Variants in TOX2 observed in about 807,000 individuals in gnomAD.
The protein encoded by TOX2 is TOX high mobility group box family member 2.
Under a neutral mutation model 47.4 loss-of-function variants are expected in TOX2, and 15 were observed. That is an observed-to-expected ratio of 0.32 (90% CI 0.21 to 0.49). TOX2 has a LOEUF of 0.49. TOX2 is among the 20% of genes least tolerant of loss of function. The pLI, the probability that TOX2 is intolerant of heterozygous loss-of-function variation, is 0.99. For missense variants in TOX2, 622 were observed against 673.1 expected, an observed-to-expected ratio of 0.92 and a Z score of 0.84; for synonymous variants, 290 against 296.6, an observed-to-expected ratio of 0.98 and a Z score of 0.23.
At chr20:44,007,786 C>G (rs1015777304) in intron 3 of TOX2, among the ~76,000 whole-genome samples, 1 of 152,208 alleles carries the variant, frequency 6.6e-6, no homozygotes, top group South Asian at 2.1e-4. Context: ...GCTGTGGTGA[C>G]AGAGTGAGAC....
chr20:43,991,952 G>A (rs6017235), intron 2 of TOX2, among the ~76,000 whole-genome samples: 53,883 of 152,026 alleles, frequency 0.35, 11,336 homozygotes, highest in African/African-American at 0.56. Context: ...TTATTTTAAA[G>A]AAGTAAAGTA....
intron 2 of TOX2, among the ~76,000 whole-genome samples, chr20:43,980,467 A>G (rs1486733043): frequency 1.3e-5 from 2 of 152,244 alleles, no homozygotes; most frequent in Non-Finnish European, 2.9e-5. Context: ...AACAAAGTAT[A>G]GTCAATAATT....
At chr20:44,001,061 T>G (rs1295927916) in intron 2 of TOX2, among the ~76,000 whole-genome samples, 2 of 152,210 alleles carry the variant, frequency 1.3e-5, no homozygotes, top group Non-Finnish European at 2.9e-5. Context: ...GGTAACTCTT[T>G]GCAGATTTCC....
In TOX2 at chr20:44,068,656, C is replaced by T. The variant is rs1267779024; in HGVS notation, c.1491C>T (p.Leu497=). 3.1e-6 allele frequency: 5 copies of T among 1,613,172 alleles called. No homozygotes were observed. The highest frequency in any genetic ancestry group is 4.5e-5 in the East Asian group (2 of 44,832). ...CCCCTCCTCTCTCTCACAGCCTGCT[C>T]CCCAGGGACAAATCGCTCTACCTCA... ...GECGISTCSL[L]PRDKSLYLT The change falls in exon 9 of 9, where the codon CTC becomes CTT. Residue 497 remains leucine, a synonymous_variant. Coordinates refer to ENST00000341197, the MANE Select transcript of TOX2 (RefSeq NM_001098797.2).
At chr20:44,021,919 A>G (rs2070981969) in intron 3 of TOX2, among the ~76,000 whole-genome samples, 1 of 151,854 alleles carries the variant, frequency 6.6e-6, no homozygotes, top group African/African-American at 2.4e-5. Context: ...TATAGGTGTG[A>G]GCCACCACAC....
intron 3 of TOX2, among the ~76,000 whole-genome samples, chr20:44,018,067 T>A (rs74647312): frequency 0.012 from 1,772 of 152,308 alleles, 34 homozygotes; most frequent in African/African-American, 0.04. Context: ...CTCAGGGGAC[T>A]GTCCCGGCAC....
intron 3 of TOX2, among the ~76,000 whole-genome samples, chr20:44,007,816 A>G (rs1285594020): frequency 1.3e-5 from 2 of 152,262 alleles, no homozygotes; most frequent in South Asian, 2.1e-4. Context: ...AAAAAACAAC[A>G]GGAAGAAACA....
chr20:43,955,315 A>G, intron 1 of TOX2: 1 of 984,370 alleles, frequency 1.0e-6, no homozygotes, highest in Non-Finnish European at 1.2e-6. Flanking sequence ...AGGAGGGCCC[A>G]TGGGGGCCTC....
intron 1 of TOX2, among the ~76,000 whole-genome samples, chr20:43,946,855 C>T (rs2069481559): frequency 6.6e-6 from 1 of 152,112 alleles, no homozygotes; most frequent in Non-Finnish European, 1.5e-5. Flanking sequence ...TGGTGCTGCA[C>T]CCAGCAGACC....
At chr20:43,955,671 C>A (rs576520268) in intron 1 of TOX2, among the ~76,000 whole-genome samples, 2 of 152,152 alleles carry the variant, frequency 1.3e-5, no homozygotes, top group East Asian at 3.9e-4. Flanking sequence ...CTCTCAAGGC[C>A]GTATTCTGCA....
intron 1 of TOX2, among the ~76,000 whole-genome samples, chr20:43,941,704 G>A (rs563033952): frequency 1.2e-3 from 189 of 152,240 alleles, no homozygotes; most frequent in African/African-American, 4.3e-3. Context: ...GACTTAAGGA[G>A]GTTTCCTGAC....
At chr20:44,026,413 A>G (rs1156484864) in intron 3 of TOX2, among the ~76,000 whole-genome samples, 1 of 151,304 alleles carries the variant, frequency 6.6e-6, no homozygotes, top group African/African-American at 2.4e-5. Context: ...GAGCTAAGCT[A>G]TGAGGATGCA....
intron 3 of TOX2, among the ~76,000 whole-genome samples, chr20:44,013,303 C>T (rs1169559363): frequency 6.6e-6 from 1 of 152,156 alleles, no homozygotes; most frequent in Non-Finnish European, 1.5e-5. Flanking sequence ...CTGTTCTGAA[C>T]TATTCCCCTC....
At chr20:43,918,337 A>G (rs1317120697) in intron 1 of TOX2, among the ~76,000 whole-genome samples, 1 of 152,198 alleles carries the variant, frequency 6.6e-6, no homozygotes, top group Non-Finnish European at 1.5e-5. Context: ...ATTTACATAC[A>G]ATAACATGAA....
chr20:44,054,312 A>G lies in TOX2; in HGVS notation c.665A>G (p.Lys222Arg), dbSNP rs748871682. Residue 222 changes from lysine (K) to arginine (R), a missense_variant, in exon 5 of 9, where the codon AAG becomes AGG. Transcript: ENST00000341197. ...SEVHFKISGEKRPSADPGKKA... is the reference protein window; with the variant it reads ...SEVHFKISGERRPSADPGKKA... Reference sequence around the variant, plus strand: ...TCACTCGGGCAGATCTCGGGAGAAAAGAGACCTTCAGCCGACCCAGGAAAA... The same window carrying G: ...TCACTCGGGCAGATCTCGGGAGAAAGGAGACCTTCAGCCGACCCAGGAAAA... 1.3e-5 allele frequency: 21 copies of G among 1,610,486 alleles called. No homozygotes were observed. Among genetic ancestry groups the G allele is most frequent in the African/African-American group, 4.0e-5 (3 of 74,586 alleles).
chr20:44,051,158 A>G, intron 3 of TOX2, 148 bp from the exon 4 acceptor site: 1 of 1,252,562 alleles, frequency 8.0e-7, no homozygotes, highest in Non-Finnish European at 1.1e-6. Context: ...ATGAGGCTCC[A>G]TCTTGAGATT....
chr20:43,976,574 C>G (rs142217426), intron 2 of TOX2, among the ~76,000 whole-genome samples: 1 of 152,128 alleles, frequency 6.6e-6, no homozygotes, highest in South Asian at 2.1e-4. Flanking sequence ...AATATTGTGG[C>G]CTTTTTACAA....
chr20:43,943,164 C>T (rs969060332), intron 1 of TOX2, among the ~76,000 whole-genome samples: 1 of 152,168 alleles, frequency 6.6e-6, no homozygotes, highest in African/African-American at 2.4e-5. Context: ...TCTCGGGGTG[C>T]ACGAGTCAGG....
chr20:44,035,113 A>G (rs564798520), intron 3 of TOX2, among the ~76,000 whole-genome samples: 56 of 152,346 alleles, frequency 3.7e-4, no homozygotes, highest in African/African-American at 1.3e-3. Flanking sequence ...CATAGACTGT[A>G]CCAGCCCCCT....
Sources: allele counts gnomAD v4.1 joint callset (sites outside exome capture counted in the v4.1 genomes callset), GRCh38; gene constraint gnomAD v4.1.1; transcripts MANE v1.5; gene names NCBI Gene and HGNC (gene_info 2026-07-23, HGNC 2026-07-21).